Variants in ZNF407 observed in about 807,000 individuals in gnomAD.
ZNF407 encodes zinc finger protein 407.
A neutral mutation model predicts 131.2 loss-of-function variants in ZNF407; 17 were observed. The ratio of observed to expected loss-of-function variants is 0.13; its 90% CI spans 0.09 to 0.19. ZNF407 has a LOEUF of 0.19. Ranked by LOEUF, ZNF407 falls within the 10% of genes least tolerant of loss-of-function variation. The probability of loss-of-function intolerance (pLI) is 1.00; values close to 1 mark genes in which losing one functional copy is unlikely to be tolerated. For synonymous variants in ZNF407, 1,156 were observed against 1,062.0 expected, an observed-to-expected ratio of 1.09 and a Z score of -1.72; for missense variants, 2,681 against 2,830.6, an observed-to-expected ratio of 0.95 and a Z score of 1.20.
At chr18:74,637,511 A>G (rs1490846677) in intron 2 of ZNF407, among the ~76,000 whole-genome samples, 1 of 150,066 alleles carries the variant, frequency 6.7e-6, no homozygotes, top group Non-Finnish European at 1.5e-5. Context: ...TTTTTTTTTT[A>G]AACATCTTGT....
chr18:74,955,814 A>T (rs184766682), intron 8 of ZNF407, among the ~76,000 whole-genome samples: 119 of 152,302 alleles, frequency 7.8e-4, no homozygotes, highest in Admixed American at 2.0e-3. Context: ...AAAGGACTTC[A>T]TCAGGCTCGG....
intron 8 of ZNF407, among the ~76,000 whole-genome samples, chr18:75,031,670 T>C (rs978135685): frequency 1.3e-5 from 2 of 152,188 alleles, no homozygotes; most frequent in African/African-American, 4.8e-5. Context: ...AAACTTTCAT[T>C]AAAAATCCAT....
At chr18:74,820,790 A>C (rs989939590) in intron 4 of ZNF407, among the ~76,000 whole-genome samples, 23 of 152,098 alleles carry the variant, frequency 1.5e-4, no homozygotes, top group Admixed American at 1.5e-3. Flanking sequence ...TTAGGAACAG[A>C]AGTCTATGAT....
At chr18:74,976,204 C>T (rs1387849564) in intron 8 of ZNF407, among the ~76,000 whole-genome samples, 1 of 152,142 alleles carries the variant, frequency 6.6e-6, no homozygotes, top group Non-Finnish European at 1.5e-5. Flanking sequence ...GGAATAACCA[C>T]CCTGTGGAAG....
chr18:75,027,009 C>T (rs1384927469), intron 8 of ZNF407, among the ~76,000 whole-genome samples: 14 of 152,158 alleles, frequency 9.2e-5, no homozygotes, highest in Admixed American at 2.0e-4. Context: ...CTGCAAGTTA[C>T]GACAAGGCCA....
At chr18:74,869,548 CT>C (rs1223388068) in intron 4 of ZNF407, among the ~76,000 whole-genome samples, 1 of 152,186 alleles carries the variant, frequency 6.6e-6, no homozygotes, top group East Asian at 1.9e-4. Context: ...ACTAAACCAA[CT>C]TCTTGAACCC....
chr18:74,824,561 A>G (rs1970383724), intron 4 of ZNF407, among the ~76,000 whole-genome samples: 1 of 152,186 alleles, frequency 6.6e-6, no homozygotes, highest in African/African-American at 2.4e-5. Flanking sequence ...AATACAAACT[A>G]CCATCAGAGA....
At chr18:74,990,964 G>C (rs528603277) in intron 8 of ZNF407, among the ~76,000 whole-genome samples, 1 of 152,238 alleles carries the variant, frequency 6.6e-6, no homozygotes, top group South Asian at 2.1e-4. Flanking sequence ...AGGTGAAGGG[G>C]GTGCTGAGCT....
intron 3 of ZNF407, among the ~76,000 whole-genome samples, chr18:74,699,698 T>G (rs1178458095): frequency 1.3e-5 from 2 of 152,180 alleles, no homozygotes; most frequent in African/African-American, 4.8e-5. Context: ...AAGCAGACAT[T>G]TTCCATTTGT....
At position 74,631,106 on chromosome 18, in the gene ZNF407, T is replaced by C. The variant is rs755988216; in HGVS notation, c.87T>C (p.His29=). Residue 29 remains histidine (H), a synonymous_variant, in exon 2 of 9, where the codon CAT becomes CAC. Coordinates refer to ENST00000299687, the MANE Select transcript of ZNF407 (RefSeq NM_017757.3). The stretch of plus-strand genomic sequence containing the variant: ...AAGACTTGACAAAGCTTTCATCCCA[T>C]AATGAAGACGGTGGGCCTGTATCTG... ...EAQDLTKLSS[H]NEDGGPVSDV... 1 of 1,613,918 alleles carries C rather than the reference T, an allele frequency of 6.2e-7. No individual in the cohort carries two copies. The highest frequency in any genetic ancestry group is 1.1e-5 in the South Asian group (1 of 91,076).
At chr18:74,741,852 A>G (rs1239230830) in intron 3 of ZNF407, among the ~76,000 whole-genome samples, 1 of 152,144 alleles carries the variant, frequency 6.6e-6, no homozygotes, top group Non-Finnish European at 1.5e-5. Context: ...GGAATCTGTC[A>G]TGCTCTATGA....
At chr18:74,678,981 A>G (rs1265003481) in intron 3 of ZNF407, among the ~76,000 whole-genome samples, 1 of 151,966 alleles carries the variant, frequency 6.6e-6, no homozygotes, top group Non-Finnish European at 1.5e-5. Context: ...CGAGAGATGC[A>G]GAGGAGAAAA....
intron 8 of ZNF407, among the ~76,000 whole-genome samples, chr18:74,954,354 A>G (rs1012140103): frequency 6.6e-6 from 1 of 152,216 alleles, no homozygotes; most frequent in Non-Finnish European, 1.5e-5. Context: ...TCTTTAATCT[A>G]TATCATAAAT....
intron 8 of ZNF407, among the ~76,000 whole-genome samples, chr18:75,007,853 T>G (rs2122174534): frequency 6.6e-6 from 1 of 152,216 alleles, no homozygotes; most frequent in East Asian, 1.9e-4. Flanking sequence ...TCAGCTGCTT[T>G]GGGGTACACA....
chr18:74,657,323 T>G (rs1985505693), intron 3 of ZNF407, among the ~76,000 whole-genome samples: 1 of 152,214 alleles, frequency 6.6e-6, no homozygotes. Flanking sequence ...TAAATAGATT[T>G]AAAATCAGGT....
At chr18:75,016,074 A>G (rs961789762) in intron 8 of ZNF407, among the ~76,000 whole-genome samples, 8 of 152,102 alleles carry the variant, frequency 5.3e-5, no homozygotes, top group Admixed American at 5.2e-4. Flanking sequence ...TCATAATGTT[A>G]TAATTACAAA....
At position 74,632,255 on chromosome 18, in the gene ZNF407, G is replaced by A. The variant is rs1272951627; in HGVS notation, c.1236G>A (p.Ser412=). ...CAGCACACGGTAACAGTGTAACCTCGAGGCCAAGACCTGAGCGAAATATTC... is the reference window on the plus strand; with the variant it reads ...CAGCACACGGTAACAGTGTAACCTCAAGGCCAAGACCTGAGCGAAATATTC... ...LQAAHGNSVT[S]RPRPERNILV... Residue 412 remains serine, a synonymous_variant, in exon 2 of 9, where the codon TCG becomes TCA. Coordinates refer to ENST00000299687, the MANE Select transcript of ZNF407 (RefSeq NM_017757.3). The A allele has an allele frequency of 5.0e-6, 8 of 1,613,800 alleles. No homozygotes were observed. The East Asian group carries it at 1.1e-4, about 22-fold the overall frequency.
At chr18:74,925,428 G>T (rs1422537703) in intron 8 of ZNF407, among the ~76,000 whole-genome samples, 1 of 152,032 alleles carries the variant, frequency 6.6e-6, no homozygotes, top group Non-Finnish European at 1.5e-5. Flanking sequence ...CCCTTTTTCT[G>T]CCTCATTAAC....
rs779199926 is a variant in ZNF407 at position 74,635,084 on chromosome 18, A to G, written c.4065A>G (p.Arg1355=). The G allele has an allele frequency of 1.7e-5, 27 of 1,613,812 alleles. No homozygotes were observed. The South Asian group carries it at 2.5e-4, about 15-fold the overall frequency. Reference sequence around the variant, plus strand: ...GGCAGGCCATGTACAGTTTTGGTCGATTTGACTCCTCCATAATAAGAATAA... The same window carrying G: ...GGCAGGCCATGTACAGTTTTGGTCGGTTTGACTCCTCCATAATAAGAATAA... The part of the protein sequence containing the change: ...DKGQAMYSFG[R]FDSSIIRIKN... Residue 1355 remains arginine (R), a synonymous_variant, in exon 2 of 9, where the codon CGA becomes CGG. Coordinates refer to ENST00000299687, the MANE Select transcript of ZNF407 (RefSeq NM_017757.3). This position sits in a 1 kb window ranked among gnomAD's most constrained non-coding sequence, Gnocchi z 4.7.
Sources: allele counts gnomAD v4.1 joint callset (sites outside exome capture counted in the v4.1 genomes callset), GRCh38; gene constraint gnomAD v4.1.1; non-coding constraint Gnocchi (gnomAD v3.1); transcripts MANE v1.5; gene names NCBI Gene and HGNC (gene_info 2026-07-23, HGNC 2026-07-21).